SHANK2: variants seen among roughly 807,000 people sequenced by gnomAD.
SHANK2 encodes the protein SH3 and multiple ankyrin repeat domains 2.
In SHANK2, 43 loss-of-function variants were observed where a neutral mutation model predicts 133.7. The ratio of observed to expected loss-of-function variants is 0.32; its 90% CI spans 0.25 to 0.41. The LOEUF is 0.41. SHANK2 is among the 10% of genes least tolerant of loss of function. The pLI is 1.00. For missense variants in SHANK2, 1,994 were observed against 2,235.8 expected, an observed-to-expected ratio of 0.89 and a Z score of 2.18; for synonymous variants, 1,017 against 952.8, an observed-to-expected ratio of 1.07 and a Z score of -1.24.
In SHANK2 at chr11:70,799,695, C is replaced by A. The variant is rs141261365; in HGVS notation, c.1664-1139G>T. 9.0e-3 allele frequency among the ~76,000 whole-genome samples: 1,365 copies of A among 152,212 alleles called. 14 individuals are homozygous for A. The highest frequency in any genetic ancestry group is 0.031 in the African/African-American group (1,280 of 41,526). ...GAAGGGATGGTGGCCACACAGTGAC[C>A]CTGTCCTGGGGACCACGCACATCAC... On this transcript the variant is annotated intron_variant, in intron 13 of 25. Transcript: ENST00000601538.
chr11:70,728,700 T>C (rs1189330704), intron 14 of SHANK2, among the ~76,000 whole-genome samples: 1 of 152,242 alleles, frequency 6.6e-6, no homozygotes, highest in African/African-American at 2.4e-5. Context: ...AGGTGCTGTT[T>C]GAATTACTGT....
chr11:70,744,238 T>C (rs968615126), intron 14 of SHANK2, among the ~76,000 whole-genome samples: 10 of 152,246 alleles, frequency 6.6e-5, no homozygotes, highest in Admixed American at 2.6e-4. Flanking sequence ...GGTGGGTCTC[T>C]GGCCTCCCCC....
At chr11:71,088,578 C>T (rs951960095) in intron 8 of SHANK2, among the ~76,000 whole-genome samples, 3 of 152,014 alleles carry the variant, frequency 2.0e-5, no homozygotes, top group African/African-American at 4.8e-5. Context: ...GGCAGCTGTT[C>T]GGTGGAGACC....
chr11:70,744,154 C>A (rs1171220685), intron 14 of SHANK2, among the ~76,000 whole-genome samples: 1 of 152,238 alleles, frequency 6.6e-6, no homozygotes, highest in Admixed American at 6.5e-5. Flanking sequence ...CAGGAACACA[C>A]AGGGCCCCAG....
At chr11:71,064,222 G>A (rs1440270315) in intron 9 of SHANK2, among the ~76,000 whole-genome samples, 2 of 152,354 alleles carry the variant, frequency 1.3e-5, no homozygotes, top group African/African-American at 2.4e-5. Context: ...GGCTTGGGCT[G>A]GAGAGGGGGC....
chr11:70,661,855 G>A, intron 15 of SHANK2, 177 bp from the exon 16 acceptor site: 5 of 1,568,548 alleles, frequency 3.2e-6, no homozygotes, highest in Non-Finnish European at 4.3e-6. Context: ...GGAAGAGGGG[G>A]GTGGCTACCG....
At chr11:71,140,551 G>A (rs782002254) in intron 3 of SHANK2, among the ~76,000 whole-genome samples, 3 of 152,254 alleles carry the variant, frequency 2.0e-5, no homozygotes, top group Non-Finnish European at 2.9e-5. Flanking sequence ...CTCAGTGGCT[G>A]AGATGACCGG....
chr11:70,520,121 T>C (rs1554970770), intron 17 of SHANK2, among the ~76,000 whole-genome samples: 1 of 152,180 alleles, frequency 6.6e-6, no homozygotes. Context: ...GAACTCAGTA[T>C]CTGGAGTTCC....
At chr11:70,724,288 A>G (rs781859010) in intron 14 of SHANK2, among the ~76,000 whole-genome samples, 19 of 152,132 alleles carry the variant, frequency 1.2e-4, no homozygotes, top group Admixed American at 1.3e-4. Context: ...CACCTGCCTC[A>G]GCCTCCCAAA....
chr11:71,193,337 G>GTGTGTGTGCATGCACACATACATGTA (rs1246850852), intron 2 of SHANK2, among the ~76,000 whole-genome samples: 9 of 152,136 alleles, frequency 5.9e-5, no homozygotes, highest in Non-Finnish European at 1.5e-5. Context: ...GTGTGGGAGT[G>GTGTGTGTGCATGCACACATACATGTA]TGTGTGTGCA....
At chr11:70,841,527 C>G (rs1490187701) in intron 11 of SHANK2, among the ~76,000 whole-genome samples, 1 of 152,230 alleles carries the variant, frequency 6.6e-6, no homozygotes, top group Non-Finnish European at 1.5e-5. Flanking sequence ...TTGGCCCCAT[C>G]GCTGACCCAG....
At chr11:70,737,213 GCAGCTGCATT>G (rs1946425043) in intron 14 of SHANK2, among the ~76,000 whole-genome samples, 1 of 152,190 alleles carries the variant, frequency 6.6e-6, no homozygotes, top group African/African-American at 2.4e-5. Flanking sequence ...GCTTCTGGGT[GCAGCTGCATT>G]CACTATCATT....
intron 3 of SHANK2, among the ~76,000 whole-genome samples, chr11:71,131,932 G>A (rs1952316147): frequency 6.6e-6 from 1 of 152,200 alleles, no homozygotes; most frequent in Non-Finnish European, 1.5e-5. Flanking sequence ...CATTCCCAGA[G>A]CCACACAGCT....
chr11:71,210,250 A>ATATTTATTTATT (rs1555118714), intron 2 of SHANK2, among the ~76,000 whole-genome samples: 8 of 85,492 alleles, frequency 9.4e-5, no homozygotes, highest in Non-Finnish European at 1.5e-4. Flanking sequence ...ATATATATAT[A>ATATTTATTTATT]TATTTATTTA....
At chr11:71,140,846 C>T (rs1376066387) in intron 3 of SHANK2, among the ~76,000 whole-genome samples, 1 of 152,252 alleles carries the variant, frequency 6.6e-6, no homozygotes, top group Admixed American at 6.5e-5. Context: ...CCACGCAGCG[C>T]TGCCTGCTGG....
chr11:70,810,959 C>A (rs567005671), intron 12 of SHANK2, among the ~76,000 whole-genome samples: 1 of 152,158 alleles, frequency 6.6e-6, no homozygotes, highest in East Asian at 1.9e-4. Flanking sequence ...CATTAGGCCC[C>A]ATCAGGACTG....
At chr11:71,220,058 C>T (rs1389998160) in intron 2 of SHANK2, among the ~76,000 whole-genome samples, 7 of 151,360 alleles carry the variant, frequency 4.6e-5, no homozygotes, top group African/African-American at 1.7e-4. Context: ...ACCCCCCCAC[C>T]CATCTCTACA....
intron 17 of SHANK2, among the ~76,000 whole-genome samples, chr11:70,513,537 A>T (rs1332692203): frequency 1.3e-5 from 2 of 152,270 alleles, no homozygotes; most frequent in East Asian, 3.8e-4. Context: ...AACATTCACG[A>T]AATTTGGGAT....
intron 11 of SHANK2, among the ~76,000 whole-genome samples, chr11:70,877,631 A>G (rs1949590259): frequency 6.6e-6 from 1 of 152,200 alleles, no homozygotes; most frequent in South Asian, 2.1e-4. Context: ...TAGAGGGGAT[A>G]GAACATGAAC....
Sources: allele counts gnomAD v4.1 joint callset (sites outside exome capture counted in the v4.1 genomes callset), GRCh38; gene constraint gnomAD v4.1.1; transcripts MANE v1.5; gene names NCBI Gene and HGNC (gene_info 2026-07-23, HGNC 2026-07-21).